NRP2: variants seen among roughly 807,000 people sequenced by gnomAD.
NRP2 encodes the protein neuropilin-2.
Under a neutral mutation model 110.4 loss-of-function variants are expected in NRP2, and 52 were observed. The ratio of observed to expected loss-of-function variants is 0.47; its 90% CI spans 0.38 to 0.59. NRP2 has a LOEUF of 0.59. NRP2 is among the 20% of genes least tolerant of loss of function. The pLI is 0.00. For synonymous variants in NRP2, 508 were observed against 468.9 expected, an observed-to-expected ratio of 1.08 and a Z score of -1.08; for missense variants, 1,049 against 1,203.0, an observed-to-expected ratio of 0.87 and a Z score of 1.89.
At position 205,714,928 on chromosome 2, in the gene NRP2, T is replaced by C. The variant is rs201474945; in HGVS notation, c.252-1265T>C. ...GGCAGCCGGCAACCCCAGATCCTTG[T>C]ATGTGACAGGATCCTTTGGCAGGCA... On this transcript the variant is annotated intron_variant, in intron 2 of 16. Transcript: ENST00000357785. 2.5e-3 allele frequency among the ~76,000 whole-genome samples: 382 copies of C among 152,332 alleles called. 2 individuals are homozygous for C. Among genetic ancestry groups the C allele is most frequent in the African/African-American group, 8.5e-3 (352 of 41,572 alleles).
intron 7 of NRP2, among the ~76,000 whole-genome samples, chr2:205,728,415 CAT>C (rs1430233993): frequency 3.9e-5 from 6 of 152,170 alleles, no homozygotes; most frequent in Non-Finnish European, 8.8e-5. Context: ...CACAAAACCA[CAT>C]GATACTATAG....
chr2:205,776,322 C>A, intron 15 of NRP2: 12 of 1,613,112 alleles, frequency 7.4e-6, no homozygotes, highest in Non-Finnish European at 1.0e-5. Context: ...ACTGGTATTA[C>A]GTAATGGCCG....
chr2:205,749,895 C>A, intron 11 of NRP2, 54 bp downstream of exon 11: 1 of 1,401,102 alleles, frequency 7.1e-7, no homozygotes, highest in Non-Finnish European at 1.0e-6. Flanking sequence ...AGAGTGGGAG[C>A]TGGCCTGTGG....
chr2:205,766,360 T>A (rs1009771237), intron 14 of NRP2, among the ~76,000 whole-genome samples: 1 of 152,166 alleles, frequency 6.6e-6, no homozygotes, highest in East Asian at 1.9e-4. Context: ...ACTCACCAAC[T>A]GCCTTTCTTG....
Position 205,760,199 on chromosome 2 carries a change from A to G in NRP2, c.2045-3475A>G, listed in dbSNP as rs568949840. On this transcript the variant is annotated intron_variant, in intron 12 of 16. Coordinates refer to ENST00000357785, the MANE Select transcript of NRP2 (RefSeq NM_003872.3). ...CAGGCAGCAGGTGTTCAATGTGTTCATTCCTTTCCCCCTGCTCTTCTTCTC... is the reference window on the plus strand; with the variant it reads ...CAGGCAGCAGGTGTTCAATGTGTTCGTTCCTTTCCCCCTGCTCTTCTTCTC... Among the ~76,000 whole-genome samples the G allele has an allele frequency of 3.7e-4, 57 of 152,126 alleles. 1 individual carries two copies. The highest frequency in any genetic ancestry group is 7.4e-5 in the Non-Finnish European group (5 of 68,016).
At position 205,701,077 on chromosome 2, in the gene NRP2, A is replaced by G. The variant is rs568310022; in HGVS notation, c.251+3356A>G. 47 of 178,724 alleles carry G rather than the reference A, an allele frequency of 2.6e-4. 3 individuals are homozygous for G. The South Asian group carries it at 5.3e-3, about 20-fold the overall frequency. The allele number at this position is 178,724 out of a possible 1,614,324, so 11.1% of individuals were successfully genotyped here. ...AACAGACTGAATGTTATGGTTTTAG[A>G]AACCCATACACAAAGTTGAGTGGTT... On this transcript the variant is annotated intron_variant, in intron 2 of 16. Coordinates refer to ENST00000357785, the MANE Select transcript of NRP2 (RefSeq NM_003872.3).
intron 7 of NRP2, among the ~76,000 whole-genome samples, chr2:205,738,989 A>C (rs539041649): frequency 1.3e-5 from 2 of 152,188 alleles, no homozygotes; most frequent in Non-Finnish European, 2.9e-5. Flanking sequence ...GCAAGCAGGA[A>C]ATAGGGCTGT....
rs143905342 is a variant in NRP2, at chr2:205,752,960, G to A, written c.2029G>A (p.Asp677Asn). 1.1e-5 allele frequency: 18 copies of A among 1,613,446 alleles called. No individual in the cohort carries two copies. Among genetic ancestry groups the A allele is most frequent in the Non-Finnish European group, 1.4e-5 (17 of 1,179,986 alleles). ...CTGGGCCAGCAGCTCCAGCCCAAAC[G>A]ACCGGACGTTTCCAGGTAAGCCAGC... ...TTWASSSSPNDRTFPDDRNFL... is the reference protein window; with the variant it reads ...TTWASSSSPNNRTFPDDRNFL... Residue 677 changes from aspartate to asparagine, a missense_variant, in exon 12 of 17, where the codon GAC becomes AAC. Coordinates refer to ENST00000357785, the MANE Select transcript of NRP2 (RefSeq NM_003872.3).
At chr2:205,697,312 C>CTGTGTGTGTGTGTGTGTGTGTGTTTGTG (rs2056451414) in intron 1 of NRP2, among the ~76,000 whole-genome samples, 1 of 137,862 alleles carries the variant, frequency 7.3e-6, no homozygotes, top group African/African-American at 2.9e-5. Flanking sequence ...ATACTTTCAT[C>CTGTGTGTGTGTGTGTGTGTGTGTTTGTG]TGTGTGTGTG....
intron 11 of NRP2, among the ~76,000 whole-genome samples, chr2:205,751,485 T>TA (rs144540418): frequency 0.024 from 3,705 of 152,276 alleles, 157 homozygotes; most frequent in African/African-American, 0.084. Context: ...TGGTAAAGGC[T>TA]AAGGGCTGAC....
intron 2 of NRP2, among the ~76,000 whole-genome samples, chr2:205,706,484 T>G (rs2056680591): frequency 6.6e-6 from 1 of 152,106 alleles, no homozygotes; most frequent in African/African-American, 2.4e-5. Flanking sequence ...TGTCTCAAAG[T>G]AGGAGGTTTC....
intron 2 of NRP2, among the ~76,000 whole-genome samples, chr2:205,703,805 T>C (rs1244717328): frequency 6.6e-6 from 1 of 152,168 alleles, no homozygotes; most frequent in Non-Finnish European, 1.5e-5. Context: ...ACCAAAATAA[T>C]TGAACATGCC....
intron 15 of NRP2, among the ~76,000 whole-genome samples, chr2:205,773,720 C>T (rs1040259812): frequency 9.8e-5 from 15 of 152,340 alleles, no homozygotes; most frequent in African/African-American, 3.6e-4. Flanking sequence ...AACATGAAGG[C>T]TTCATCCTTC....
chr2:205,706,756 G>A (rs1216068794), intron 2 of NRP2, among the ~76,000 whole-genome samples: 1 of 152,098 alleles, frequency 6.6e-6, no homozygotes, highest in Non-Finnish European at 1.5e-5. Flanking sequence ...TTAAATGGTG[G>A]GGTACTGAGT....
intron 7 of NRP2, among the ~76,000 whole-genome samples, chr2:205,728,256 G>A (rs932372624): frequency 1.3e-5 from 2 of 152,226 alleles, no homozygotes; most frequent in Non-Finnish European, 2.9e-5. Flanking sequence ...GCCAGTTGCT[G>A]TTGCATCTTG....
intron 7 of NRP2, among the ~76,000 whole-genome samples, chr2:205,732,899 G>A (rs761615397): frequency 4.6e-5 from 7 of 152,152 alleles, no homozygotes; most frequent in Non-Finnish European, 8.8e-5. Context: ...CCTCCTGGCA[G>A]ATGATGGGCT....
At chr2:205,711,259 A>C (rs1161491325) in intron 2 of NRP2, among the ~76,000 whole-genome samples, 1 of 152,238 alleles carries the variant, frequency 6.6e-6, no homozygotes, top group African/African-American at 2.4e-5. Flanking sequence ...TCGTAAATTC[A>C]GCAGTGAAGA....
chr2:205,707,599 G>A (rs2056706726), intron 2 of NRP2, among the ~76,000 whole-genome samples: 1 of 152,198 alleles, frequency 6.6e-6, no homozygotes, highest in Admixed American at 6.5e-5. Context: ...TGTTAGGGAG[G>A]CTGGATGCCA....
chr2:205,683,216 T>G lies in NRP2; in HGVS notation c.-75T>G. On this transcript the variant is annotated 5_prime_UTR_variant, in exon 1 of 17. Transcript: ENST00000357785. ...GCATAAGACGTTGTAAGGAGGAAAA[T>G]AAAAGAGAGAAAAACACAAAGATTT... is the stretch of plus-strand genomic sequence containing the variant. 1 of 1,126,338 alleles carries G rather than the reference T, an allele frequency of 8.9e-7. No individual in the cohort carries two copies. The highest frequency in any genetic ancestry group is 1.3e-5 in the South Asian group (1 of 76,992). The allele number at this position is 1,126,338 out of a possible 1,614,324, so 69.8% of individuals were successfully genotyped here. A position where few individuals can be genotyped will look rare whatever the true frequency, so the allele number is the denominator to read the frequency against.
Sources: gnomAD v4.1 joint callset for allele counts (sites outside exome capture counted in the v4.1 genomes callset) on GRCh38, gnomAD v4.1.1 for gene constraint, MANE v1.5 for transcripts, NCBI Gene and HGNC (gene_info 2026-07-23, HGNC 2026-07-21) for gene names.